DMXL2: variants seen among roughly 807,000 people sequenced by gnomAD.
DMXL2 encodes dmX-like protein 2.
A neutral mutation model predicts 331.1 loss-of-function variants in DMXL2; 103 were observed. The ratio of observed to expected loss-of-function variants is 0.31; its 90% confidence interval spans 0.27 to 0.37. DMXL2 has a LOEUF of 0.37. Among genes scored for constraint, DMXL2 ranks in the 10% least tolerant of loss-of-function variants. DMXL2 has a pLI of 1.00. For synonymous variants in DMXL2, 1,281 were observed against 1,252.1 expected (o/e 1.02, Z -0.49); for missense variants, 3,171 against 3,642.9 (o/e 0.87, Z 3.33).
At chr15:51,501,638 T>C (rs902846780) in intron 17 of DMXL2, among the ~76,000 whole-genome samples, 3 of 152,198 alleles carry the variant, frequency 2.0e-5, no homozygotes, top group South Asian at 2.1e-4. Context: ...ATTTTCACTA[T>C]TGGCTGGGCG....
chr15:51,598,177 T>C (rs980018449), intron 1 of DMXL2, among the ~76,000 whole-genome samples: 3 of 152,198 alleles, frequency 2.0e-5, no homozygotes, highest in African/African-American at 7.2e-5. Flanking sequence ...TTTAGTTTTT[T>C]ATTTTGACAT....
chr15:51,530,570 T>C (rs533499143), intron 13 of DMXL2, among the ~76,000 whole-genome samples: 63 of 144,982 alleles, frequency 4.3e-4, no homozygotes, highest in Admixed American at 6.9e-4. Context: ...GCTAACACAA[T>C]GAAACCCCAT....
At chr15:51,596,936 G>T (rs991398122) in intron 1 of DMXL2, among the ~76,000 whole-genome samples, 8 of 152,156 alleles carry the variant, frequency 5.3e-5, no homozygotes, top group Admixed American at 1.3e-4. Flanking sequence ...TGGGAGGAGG[G>T]GGGTGGGATA....
At chr15:51,493,506 A>C (rs1251553804) in intron 19 of DMXL2, among the ~76,000 whole-genome samples, 1 of 152,128 alleles carries the variant, frequency 6.6e-6, no homozygotes, top group Non-Finnish European at 1.5e-5. Context: ...CTTTTTATTT[A>C]CCTACCAATG....
In DMXL2 at chr15:51,536,770, C is replaced by T. The variant is rs774284974; in HGVS notation, c.1710G>A (p.Ala570=). ...ACAGCGTGTGGTGAGAATCTTTTGT[C>T]GCATTTATACAGGCATACATCATGA... is the stretch of plus-strand genomic sequence containing the variant. ...KNIMMYACIN[A]TKDSHHTLLH... The change falls in exon 12 of 44, where the codon GCG becomes GCA. Residue 570 remains alanine, a synonymous_variant. Coordinates refer to ENST00000560891, the MANE Select transcript of DMXL2 (RefSeq NM_001378457.1). 5.0e-6 allele frequency: 8 copies of T among 1,613,842 alleles called. No individual in the cohort carries two copies. Among genetic ancestry groups the T allele is most frequent in the South Asian group, 2.2e-5 (2 of 91,068 alleles).
intron 18 of DMXL2, among the ~76,000 whole-genome samples, chr15:51,497,717 G>A (rs1466568615): frequency 6.6e-6 from 1 of 152,170 alleles, no homozygotes; most frequent in African/African-American, 2.4e-5. Context: ...GTTACAGAAT[G>A]AATTAGGCAA....
At chr15:51,511,259 C>T (rs1381711408) in intron 15 of DMXL2, among the ~76,000 whole-genome samples, 1 of 152,108 alleles carries the variant, frequency 6.6e-6, no homozygotes, top group Non-Finnish European at 1.5e-5. Context: ...AACAGGCAAC[C>T]TACAGAATGG....
intron 1 of DMXL2, among the ~76,000 whole-genome samples, chr15:51,579,522 T>C (rs2051268691): frequency 6.6e-6 from 1 of 152,208 alleles, no homozygotes; most frequent in Non-Finnish European, 1.5e-5. Flanking sequence ...GGACCTTACC[T>C]TGTCCTTGTT....
At position 51,450,288 on chromosome 15, in the gene DMXL2, G is replaced by C. The variant is rs1379469793; in HGVS notation, c.8808C>G (p.Leu2936=). ...TVLQYAPKQQ[L]LISGGRKGHV... ...GTCCTTTCCTACCCCCCGAGATTAG[G>C]AGTTGCTGTTTGGGTGCATACTGCA... The change falls in exon 43 of 44, where the codon CTC becomes CTG. Residue 2936 remains leucine, a synonymous_variant. Coordinates refer to ENST00000560891, the MANE Select transcript of DMXL2 (RefSeq NM_001378457.1). 1 of 1,613,888 alleles carries C rather than the reference G, an allele frequency of 6.2e-7. No individual in the cohort carries two copies. The highest frequency in any genetic ancestry group is 8.5e-7 in the Non-Finnish European group (1 of 1,179,984).
chr15:51,530,076 C>CT (rs1435409017), intron 13 of DMXL2, among the ~76,000 whole-genome samples: 2 of 151,938 alleles, frequency 1.3e-5, no homozygotes, highest in Non-Finnish European at 2.9e-5. Context: ...GATGAAAACT[C>CT]TAAAAAAAGT....
rs2051023418 is a variant in DMXL2 at position 51,576,186 on chromosome 15, A to AAAAAAAAAAAAAAAAAAAC, written c.88-6_88-5insGTTTTTTTTTTTTTTTTTT. The AAAAAAAAAAAAAAAAAAAC allele has an allele frequency of 7.7e-7, 1 of 1,296,562 alleles. No individual in the cohort carries two copies. Among genetic ancestry groups the AAAAAAAAAAAAAAAAAAAC allele is most frequent in the Non-Finnish European group, 1.0e-6 (1 of 979,204 alleles). 80.3% of individuals were successfully genotyped at this position (1,296,562 alleles called of 1,614,324 possible). A position where few individuals can be genotyped will look rare whatever the true frequency, so the allele number is the denominator to read the frequency against. On this transcript the variant is annotated splice_polypyrimidine_tract_variant and splice_region_variant and intron_variant, in intron 1 of 43. Coordinates refer to ENST00000560891, the MANE Select transcript of DMXL2 (RefSeq NM_001378457.1). ...ATCACAGCCTGATCCATATGCCTAA[A>AAAAAAAAAAAAAAAAAAAC]AAAAAAAAAAAAAAAAAGTTTTACA...
At chr15:51,457,898 A>G (rs1352108732) in intron 36 of DMXL2, 1 of 157,226 alleles carries the variant, frequency 6.4e-6, no homozygotes, top group East Asian at 1.9e-4. Flanking sequence ...GAAATGTGAT[A>G]TTAAATCCTA....
chr15:51,490,340 T>C (rs951481561), intron 20 of DMXL2, among the ~76,000 whole-genome samples: 20 of 152,172 alleles, frequency 1.3e-4, no homozygotes, highest in Non-Finnish European at 2.5e-4. Flanking sequence ...ATGGAGAATA[T>C]GCATTTTACA....
chr15:51,481,188 G>A lies in DMXL2; in HGVS notation c.5918C>T (p.Pro1973Leu), dbSNP rs2140368098. Residue 1973 changes from proline to leucine, a missense_variant, in exon 24 of 44, where the codon CCT becomes CTT. Physicochemically the swap from Pro to Leu is moderately conservative, Grantham distance 98. Around this residue, in one of 7 missense-constraint regions of DMXL2, gnomAD observed 244 missense variants for 251.4 expected, o/e 0.97. Transcript: ENST00000560891. Reference protein sequence around the residue: ...SQPIVKVDEEPLNLDWGEDHD... With the variant: ...SQPIVKVDEELLNLDWGEDHD... The stretch of plus-strand genomic sequence containing the variant: ...ATCTTCACCCCAATCAAGATTAAGA[G>A]GTTCCTCATCAACTTTTACTATTGG... 1.2e-6 allele frequency: 2 copies of A among 1,613,940 alleles called. No homozygotes were observed. The highest frequency in any genetic ancestry group is 1.7e-6 in the Non-Finnish European group (2 of 1,179,902).
intron 27 of DMXL2, among the ~76,000 whole-genome samples, chr15:51,475,025 A>C (rs2041450542): frequency 6.6e-6 from 1 of 152,220 alleles, no homozygotes; most frequent in South Asian, 2.1e-4. Context: ...AAAGGAAAAA[A>C]AAAGTAACTT....
intron 13 of DMXL2, among the ~76,000 whole-genome samples, chr15:51,523,122 T>C (rs1213994577): frequency 6.6e-6 from 1 of 152,210 alleles, no homozygotes; most frequent in South Asian, 2.1e-4. Flanking sequence ...ATTTAAGGAA[T>C]AGGAGAGCAT....
chr15:51,592,185 T>C (rs906012235), intron 1 of DMXL2, among the ~76,000 whole-genome samples: 2 of 149,994 alleles, frequency 1.3e-5, no homozygotes, highest in African/African-American at 2.5e-5. Context: ...AATAGACGAA[T>C]GGCTAACTAG....
rs10450960 is a variant in DMXL2, at chr15:51,548,544, T to C, written c.568-1136A>G. On this transcript the variant is annotated intron_variant, in intron 6 of 43. Coordinates refer to ENST00000560891, the MANE Select transcript of DMXL2 (RefSeq NM_001378457.1). The stretch of plus-strand genomic sequence containing the variant: ...TTCACATAATCAAATTTACAGCACA[T>C]TCTATGCAGTGGTTTCAGACTACGT... Among the ~76,000 whole-genome samples, 1,454 of 152,210 alleles carry C rather than the reference T, an allele frequency of 9.6e-3. 18 individuals are homozygous for C. The highest frequency in any genetic ancestry group is 0.033 in the African/African-American group (1,379 of 41,544).
intron 1 of DMXL2, among the ~76,000 whole-genome samples, chr15:51,621,550 G>C (rs1399959443): frequency 2.0e-5 from 3 of 152,096 alleles, no homozygotes; most frequent in African/African-American, 7.2e-5. Flanking sequence ...TCAATTTATG[G>C]GAGTCTATCT....
Sources: gnomAD v4.1 joint callset for allele counts (sites outside exome capture counted in the v4.1 genomes callset) on GRCh38, gnomAD v4.1.1 for gene constraint, gnomAD v4.1.1 regional missense constraint, MANE v1.5 for transcripts, NCBI Gene and HGNC (gene_info 2026-07-23, HGNC 2026-07-21) for gene names.